Variants in EDEM3 observed in about 807,000 individuals in gnomAD.
EDEM3 encodes the protein ER degradation enhancing alpha-mannosidase like protein 3.
Under a neutral mutation model 110.2 loss-of-function variants are expected in EDEM3, and 60 were observed. The ratio of observed to expected loss-of-function variants is 0.54; its 90% CI spans 0.44 to 0.67. The LOEUF (loss-of-function observed/expected upper bound fraction) is 0.67, where lower values mean the gene tolerates loss of function less well. EDEM3 is among the 30% of genes least tolerant of loss of function. The pLI is 0.00. For synonymous variants in EDEM3, 352 were observed against 382.9 expected, an observed-to-expected ratio of 0.92 and a Z score of 0.94; for missense variants, 996 against 1,121.0, an observed-to-expected ratio of 0.89 and a Z score of 1.59.
chr1:184,719,638 A>T, intron 9 of EDEM3, 70 bp from the exon 10 acceptor site: 1 of 1,442,434 alleles, frequency 6.9e-7, no homozygotes, highest in Non-Finnish European at 9.3e-7. Flanking sequence ...CACATTAAAT[A>T]GCACTGTGAA....
At position 184,740,064 on chromosome 1, in the gene EDEM3, G is replaced by A. The variant is rs79219488; in HGVS notation, c.205-2353C>T. 6.1e-3 allele frequency among the ~76,000 whole-genome samples: 934 copies of A among 152,116 alleles called. 10 individuals carry two copies. Among genetic ancestry groups the A allele is most frequent in the Middle Eastern group, 0.027 (8 of 294 alleles). On this transcript the variant is annotated intron_variant, in intron 2 of 19. Coordinates refer to ENST00000318130, the MANE Select transcript of EDEM3 (RefSeq NM_025191.4). The stretch of plus-strand genomic sequence containing the variant: ...AGAACATTTCTACCTACTTGCCACG[G>A]GTCTTAACAGAAAAGAATAAAAACC...
intron 8 of EDEM3, among the ~76,000 whole-genome samples, chr1:184,723,191 T>C (rs1288995660): frequency 6.6e-6 from 1 of 151,978 alleles, no homozygotes; most frequent in Admixed American, 6.6e-5. Flanking sequence ...ATAGTAAGTG[T>C]AGTACATGCC....
intron 13 of EDEM3, among the ~76,000 whole-genome samples, chr1:184,714,468 T>C (rs1650432849): frequency 1.3e-5 from 2 of 152,122 alleles, no homozygotes; most frequent in African/African-American, 4.8e-5. Context: ...ATTTCCATTG[T>C]GAAAAGTGTG....
chr1:184,716,748 A>G (rs956786818), intron 13 of EDEM3, 140 bp downstream of exon 13: 25 of 1,216,402 alleles, frequency 2.1e-5, no homozygotes, highest in Non-Finnish European at 2.8e-5. Flanking sequence ...TATTCAACAG[A>G]GTTTAAAAAA....
At position 184,708,190 on chromosome 1, in the gene EDEM3, G is replaced by A; in HGVS notation, c.2000C>T (p.Pro667Leu). The A allele has an allele frequency of 6.2e-7, 1 of 1,613,618 alleles. No individual in the cohort carries two copies. The highest frequency in any genetic ancestry group is 8.5e-7 in the Non-Finnish European group (1 of 1,179,794). Residue 667 changes from proline (P) to leucine (L), a missense_variant, in exon 17 of 20, where the codon CCA becomes CTA. Transcript: ENST00000318130. Reference protein sequence around the residue: ...FFGRVVLTAGPAQFGLDLSKH... With the variant: ...FFGRVVLTAGLAQFGLDLSKH... ...AGACAGATCCAGCCCAAACTGAGCT[G>A]GTCCAGCAGTCAATACTACCCTGCC...
chr1:184,727,792 T>C (rs1230032029), intron 6 of EDEM3, among the ~76,000 whole-genome samples: 2 of 152,178 alleles, frequency 1.3e-5, no homozygotes, highest in Non-Finnish European at 2.9e-5. Context: ...TAATTATCTC[T>C]ACCATTTGTA....
intron 18 of EDEM3, 116 bp downstream of exon 18, chr1:184,706,527 G>T: frequency 1.1e-6 from 1 of 870,056 alleles, no homozygotes; most frequent in Non-Finnish European, 1.7e-6. Flanking sequence ...TTGTTGTCTA[G>T]GTGAGGTAAA....
At chr1:184,707,276 CTA>C (rs1288004551) in intron 17 of EDEM3, among the ~76,000 whole-genome samples, 1 of 152,124 alleles carries the variant, frequency 6.6e-6, no homozygotes, top group Non-Finnish European at 1.5e-5. Context: ...TGGACTTAGT[CTA>C]TATGAATCTG....
Position 184,702,869 on chromosome 1 carries a change from A to G in EDEM3, c.2331T>C (p.Asp777=), listed in dbSNP as rs1461531477. The stretch of plus-strand genomic sequence containing the variant: ...CTACCTCCTCATATTCCCGGATGGC[A>G]TCCAGTATGATACTTCCTTCTTTGC... The part of the protein sequence containing the change: ...LFSKEGSIIL[D]AIREYEEVEV... Residue 777 remains aspartate (D), a synonymous_variant, in exon 19 of 20, where the codon GAT becomes GAC. Transcript: ENST00000318130. 2.5e-6 allele frequency: 4 copies of G among 1,612,736 alleles called. No homozygotes were observed. In the Admixed American group the frequency reaches 5.0e-5, roughly 20 times the overall value.
At position 184,695,519 on chromosome 1, in the gene EDEM3, T is replaced by A. The variant is rs141819730; in HGVS notation, c.2390-1047A>T. On this transcript the variant is annotated intron_variant, in intron 19 of 19. Transcript: ENST00000318130. ...CTCCCATGTACTTTAAATCATCTCT[T>A]GATTACTTTATAATACCTAATACAA... Among the ~76,000 whole-genome samples, 434 of 152,186 alleles carry A rather than the reference T, an allele frequency of 2.9e-3. 5 individuals are homozygous for A. The East Asian group carries it at 0.036, about 12-fold the overall frequency.
intron 6 of EDEM3, among the ~76,000 whole-genome samples, 199 bp from the exon 7 acceptor site, chr1:184,726,588 A>C (rs2102098681): frequency 6.6e-6 from 1 of 152,360 alleles, no homozygotes; most frequent in African/African-American, 2.4e-5. Flanking sequence ...ATATTCATGA[A>C]GTAAGTAAGC....
chr1:184,717,465 A>T lies in EDEM3; in HGVS notation c.1245+75T>A, dbSNP rs1650614215. On this transcript the variant is annotated intron_variant, in intron 12 of 19. Transcript: ENST00000318130. Reference sequence around the variant, plus strand: ...AAAAGGGGACTCTGAAAACCCAATTACTATTATGAAAGAATGAGAGATCCA... The same window carrying T: ...AAAAGGGGACTCTGAAAACCCAATTTCTATTATGAAAGAATGAGAGATCCA... 6 of 1,224,082 alleles carry T rather than the reference A, an allele frequency of 4.9e-6. No homozygotes were observed. The South Asian group carries it at 5.5e-5, about 11-fold the overall frequency. The allele number at this position is 1,224,082 out of a possible 1,614,324, so 75.8% of individuals were successfully genotyped here. A position where few individuals can be genotyped will look rare whatever the true frequency, so the allele number is the denominator to read the frequency against.
At chr1:184,701,178 C>T (rs1345716874) in intron 19 of EDEM3, among the ~76,000 whole-genome samples, 1 of 151,824 alleles carries the variant, frequency 6.6e-6, no homozygotes, top group Non-Finnish European at 1.5e-5. Context: ...TAAAACAAGT[C>T]AATACTTTAA....
chr1:184,717,675 T>C (rs759096010), intron 11 of EDEM3, 52 bp from the exon 12 acceptor site: 6 of 1,394,804 alleles, frequency 4.3e-6, no homozygotes, highest in Non-Finnish European at 4.9e-6. Flanking sequence ...AATACACAAG[T>C]AGTTCCAGAA....
intron 1 of EDEM3, among the ~76,000 whole-genome samples, chr1:184,753,176 C>G (rs1652864967): frequency 6.6e-6 from 1 of 151,796 alleles, no homozygotes; most frequent in Admixed American, 6.6e-5. Flanking sequence ...AGATAATCTT[C>G]GTTCCACTTT....
chr1:184,708,528 A>G (rs544295886), intron 16 of EDEM3, among the ~76,000 whole-genome samples, 184 bp from the exon 17 acceptor site: 5 of 152,196 alleles, frequency 3.3e-5, no homozygotes, highest in Non-Finnish European at 5.9e-5. Context: ...AGTATTTCTG[A>G]AAATAACTTA....
chr1:184,737,468 G>T, intron 3 of EDEM3, 143 bp downstream of exon 3: 1 of 667,032 alleles, frequency 1.5e-6, no homozygotes, highest in Non-Finnish European at 2.5e-6. Context: ...TAACAGAAGG[G>T]AATAAAGGAG....
Position 184,694,125 on chromosome 1 carries a change from T to C in EDEM3, c.2737A>G (p.Ile913Val). ...ATATCTTCATTCCAGTCTGCTAATA[T>C]GGAGTCTATAGGCTGGACCTTTTTA... ...WGKKVQPIDS[I>V]LADWNEDIEA... The change falls in exon 20 of 20, where the codon ATA becomes GTA. Residue 913 changes from isoleucine (I) to valine (V), a missense_variant. Around this residue, in one of 5 missense-constraint regions of EDEM3, gnomAD observed 345 missense variants for 402.0 expected, o/e 0.86. Coordinates refer to ENST00000318130, the MANE Select transcript of EDEM3 (RefSeq NM_025191.4). 1 of 1,613,448 alleles carries C rather than the reference T, an allele frequency of 6.2e-7. No homozygotes were observed. Among genetic ancestry groups the C allele is most frequent in the Non-Finnish European group, 8.5e-7 (1 of 1,179,602 alleles).
At chr1:184,714,875 T>C (rs143960392) in intron 13 of EDEM3, among the ~76,000 whole-genome samples, 1 of 152,356 alleles carries the variant, frequency 6.6e-6, no homozygotes. Flanking sequence ...CAGTTAAGTA[T>C]GTGAAACTAG....
Sources: allele counts gnomAD v4.1 joint callset (sites outside exome capture counted in the v4.1 genomes callset), GRCh38; gene constraint gnomAD v4.1.1; regional missense constraint gnomAD v4.1.1; transcripts MANE v1.5; gene names NCBI Gene and HGNC (gene_info 2026-07-23, HGNC 2026-07-21).